DOCK11: variants seen among roughly 807,000 people sequenced by gnomAD.
DOCK11 encodes the protein dedicator of cytokinesis protein 11.
DOCK11 carries 70 observed loss-of-function variants against 169.1 expected under a neutral mutation model. That is an observed-to-expected ratio of 0.41 (90% CI 0.34 to 0.51). The LOEUF is 0.51. Among genes scored for constraint, DOCK11 ranks in the 20% least tolerant of loss-of-function variants. The pLI is 0.10. For missense variants in DOCK11, 1,166 were observed against 1,538.8 expected, an observed-to-expected ratio of 0.76 and a Z score of 4.05; for synonymous variants, 529 against 541.3, an observed-to-expected ratio of 0.98 and a Z score of 0.32.
chrX:118,674,889 C>A (rs1402951558), intron 46 of DOCK11, among the ~76,000 whole-genome samples: 1 of 111,924 alleles, frequency 8.9e-6, no homozygotes, highest in Non-Finnish European at 1.9e-5. Flanking sequence ...TGTGAAGTGG[C>A]ACCTCATTGT....
intron 44 of DOCK11, among the ~76,000 whole-genome samples, chrX:118,660,141 C>T (rs1228317306): frequency 9.0e-6 from 1 of 111,700 alleles, no homozygotes; most frequent in Non-Finnish European, 1.9e-5. Flanking sequence ...TCCTAATGCG[C>T]TACTGCACAA....
intron 12 of DOCK11, among the ~76,000 whole-genome samples, chrX:118,577,882 A>G (rs1247295339): frequency 8.9e-6 from 1 of 112,251 alleles, no homozygotes; most frequent in African/African-American, 3.2e-5. Context: ...ACCAACTAAC[A>G]TGCTATGTAG....
chrX:118,507,214 C>T (rs6655479), intron 1 of DOCK11, among the ~76,000 whole-genome samples: 17,420 of 111,715 alleles, frequency 0.16, 1,035 homozygotes, highest in African/African-American at 0.22. Context: ...TCAGCGTTCC[C>T]ATCGCATTGC....
At chrX:118,646,053 CA>C (rs754457760) in intron 40 of DOCK11, among the ~76,000 whole-genome samples, 2,543 of 38,887 alleles carry the variant, frequency 0.065, 57 homozygotes, top group African/African-American at 0.16. Flanking sequence ...GAGACTTCGT[CA>C]AAAAAAAAAA....
chrX:118,502,883 G>C (rs2057585048), intron 1 of DOCK11, among the ~76,000 whole-genome samples: 1 of 110,559 alleles, frequency 9.0e-6, no homozygotes, highest in African/African-American at 3.3e-5. Context: ...GAGAAGCCGG[G>C]GGCTGTGTAT....
intron 14 of DOCK11, 117 bp from the exon 15 acceptor site, chrX:118,584,618 C>G: frequency 1.5e-6 from 1 of 649,666 alleles, no homozygotes; most frequent in Non-Finnish European, 2.2e-6. Context: ...AATGAGAAAC[C>G]GCCAAACTGT....
At chrX:118,507,304 A>C (rs1406263373) in intron 1 of DOCK11, among the ~76,000 whole-genome samples, 1 of 112,101 alleles carries the variant, frequency 8.9e-6, no homozygotes, top group Non-Finnish European at 1.9e-5. Flanking sequence ...TCTGAGACAG[A>C]ACATCTTTAT....
chrX:118,527,591 A>G (rs1368771175), intron 1 of DOCK11, among the ~76,000 whole-genome samples: 1 of 112,540 alleles, frequency 8.9e-6, no homozygotes, highest in Non-Finnish European at 1.9e-5. Context: ...GAGAACATCA[A>G]AATGTTAACA....
At chrX:118,614,881 G>A in intron 29 of DOCK11, 106 bp downstream of exon 29, 2 of 609,099 alleles carry the variant, frequency 3.3e-6, no homozygotes, top group Non-Finnish European at 5.2e-6. Flanking sequence ...TTTTATTTAG[G>A]TAGTTGGACT....
chrX:118,656,643 AATAGATTAATATT>A (rs2016079184), intron 44 of DOCK11, among the ~76,000 whole-genome samples: 1 of 112,411 alleles, frequency 8.9e-6, no homozygotes, highest in African/African-American at 3.2e-5. Context: ...TCTTCAGAGA[AATAGATTAATATT>A]ATCTCATCTT....
chrX:118,566,515 C>T, intron 8 of DOCK11, 59 bp from the exon 9 acceptor site: 7 of 1,064,396 alleles, frequency 6.6e-6, no homozygotes, highest in Non-Finnish European at 7.8e-6. Context: ...GGATACTCCT[C>T]TTAGGTTATT....
chrX:118,529,550 T>C (rs1446428689), intron 1 of DOCK11, among the ~76,000 whole-genome samples: 1 of 111,839 alleles, frequency 8.9e-6, no homozygotes, highest in East Asian at 2.8e-4. Context: ...GGATTTGTAC[T>C]TTGCTCATTT....
intron 1 of DOCK11, among the ~76,000 whole-genome samples, chrX:118,520,629 G>T (rs2057716406): frequency 9.0e-6 from 1 of 111,436 alleles, no homozygotes; most frequent in Non-Finnish European, 1.9e-5. Context: ...CCATGTCTGG[G>T]TTCGCCTTTG....
chrX:118,662,554 A>G (rs2016241347), intron 44 of DOCK11, 132 bp from the exon 45 acceptor site: 1 of 408,094 alleles, frequency 2.5e-6, no homozygotes, highest in South Asian at 5.7e-5. Flanking sequence ...TTGTAAGTGA[A>G]AATTGTACTT....
chrX:118,610,226 A>C (rs760878952), intron 27 of DOCK11, 46 bp from the exon 28 acceptor site: 1 of 1,183,435 alleles, frequency 8.4e-7, no homozygotes, highest in Admixed American at 2.2e-5. Flanking sequence ...CAATTGATTT[A>C]GACCTTTTGG....
At chrX:118,675,294 G>A (rs1262828403) in intron 46 of DOCK11, among the ~76,000 whole-genome samples, 1 of 111,708 alleles carries the variant, frequency 9.0e-6, no homozygotes, top group Non-Finnish European at 1.9e-5. Context: ...TTAAATACAT[G>A]GATTGTTTAT....
intron 28 of DOCK11, among the ~76,000 whole-genome samples, chrX:118,612,033 A>G (rs2014696563): frequency 8.9e-6 from 1 of 112,221 alleles, no homozygotes; most frequent in Non-Finnish European, 1.9e-5. Flanking sequence ...GGTAACAACA[A>G]TATTTGATGT....
chrX:118,628,158 C>T lies in DOCK11; in HGVS notation c.3665-5C>T. ...AACAAGGGCTTGACTTTTTTTTTTCCCCAGCTTATGGGTCTTTTCAAAATG... is the reference window on the plus strand; with the variant it reads ...AACAAGGGCTTGACTTTTTTTTTTCTCCAGCTTATGGGTCTTTTCAAAATG... On this transcript the variant is annotated splice_region_variant and splice_polypyrimidine_tract_variant and intron_variant, in intron 33 of 52. Coordinates refer to ENST00000276202, the MANE Select transcript of DOCK11 (RefSeq NM_144658.4). The T allele has an allele frequency of 1.7e-6, 2 of 1,164,503 alleles. No individual in the cohort carries two copies. The highest frequency in any genetic ancestry group is 2.5e-5 in the Admixed American group (1 of 40,287).
chrX:118,530,303 C>T (rs912346105), intron 1 of DOCK11, among the ~76,000 whole-genome samples: 1 of 113,050 alleles, frequency 8.8e-6, no homozygotes, highest in African/African-American at 3.2e-5. Context: ...AAAACATAGA[C>T]AATAGGACAA....
Sources: allele counts gnomAD v4.1 joint callset (sites outside exome capture counted in the v4.1 genomes callset), GRCh38; gene constraint gnomAD v4.1.1; transcripts MANE v1.5; gene names NCBI Gene and HGNC (gene_info 2026-07-23, HGNC 2026-07-21).